The following ADAMTSL1 variants were observed in gnomAD, a reference collection of about 807,000 sequenced individuals.
ADAMTSL1 encodes the protein ADAMTS like 1.
ADAMTSL1 carries 126 observed loss-of-function variants against 201.8 expected under a neutral mutation model. The ratio of observed to expected loss-of-function variants is 0.62; its 90% CI spans 0.54 to 0.72. ADAMTSL1 has a LOEUF of 0.72. Among genes scored for constraint, ADAMTSL1 ranks in the 30% least tolerant of loss-of-function variants. The pLI, the probability that ADAMTSL1 is intolerant of heterozygous loss-of-function variation, is 0.00. For missense variants in ADAMTSL1, 2,679 were observed against 2,277.8 expected (o/e 1.18, Z -3.59); for synonymous variants, 1,121 against 903.4 (o/e 1.24, Z -4.32).
chr9:18,458,293 C>A (rs975353536), intron 2 of ADAMTSL1, among the ~76,000 whole-genome samples: 2 of 152,142 alleles, frequency 1.3e-5, no homozygotes, highest in African/African-American at 4.8e-5. Flanking sequence ...TACACACACA[C>A]CTGAAATAAA....
chr9:18,821,550 A>G (rs1824211818), intron 21 of ADAMTSL1, among the ~76,000 whole-genome samples: 1 of 152,230 alleles, frequency 6.6e-6, no homozygotes, highest in Non-Finnish European at 1.5e-5. Flanking sequence ...AGGTAGGCTC[A>G]CTGGGTACTC....
chr9:18,645,605 G>A (rs200326076), intron 7 of ADAMTSL1, among the ~76,000 whole-genome samples: 24 of 151,934 alleles, frequency 1.6e-4, no homozygotes, highest in African/African-American at 5.6e-4. Flanking sequence ...CTTTCTACGT[G>A]TGGCTAGCCA....
chr9:18,396,902 A>T (rs1817774914), intron 2 of ADAMTSL1, among the ~76,000 whole-genome samples: 2 of 152,200 alleles, frequency 1.3e-5, no homozygotes, highest in Admixed American at 6.5e-5. Context: ...ACAAAACCTT[A>T]GTACATTCCT....
intron 1 of ADAMTSL1, among the ~76,000 whole-genome samples, chr9:18,130,574 T>C (rs1713517175): frequency 6.6e-6 from 1 of 152,128 alleles, no homozygotes; most frequent in Non-Finnish European, 1.5e-5. Context: ...TGTAAGTTCA[T>C]AATTTATCTT....
chr9:18,682,767 C>G (rs1337878155), intron 12 of ADAMTSL1, among the ~76,000 whole-genome samples: 2 of 152,010 alleles, frequency 1.3e-5, no homozygotes, highest in Non-Finnish European at 2.9e-5. Context: ...CACAGTGTAG[C>G]TCTTTATTAT....
At chr9:18,017,714 A>T (rs948105176) in intron 1 of ADAMTSL1, among the ~76,000 whole-genome samples, 1 of 152,048 alleles carries the variant, frequency 6.6e-6, no homozygotes, top group Admixed American at 6.6e-5. Flanking sequence ...TGAACTGGCT[A>T]CGTTTCAATT....
chr9:18,162,630 C>T (rs1184732376), intron 1 of ADAMTSL1, among the ~76,000 whole-genome samples: 1 of 151,820 alleles, frequency 6.6e-6, no homozygotes, highest in Admixed American at 6.6e-5. Flanking sequence ...GAGTATACCC[C>T]TTTCCAAAAG....
chr9:18,754,407 G>C (rs1215104591), intron 16 of ADAMTSL1, among the ~76,000 whole-genome samples: 1 of 152,124 alleles, frequency 6.6e-6, no homozygotes, highest in African/African-American at 2.4e-5. Context: ...CTCCCTATTA[G>C]GACATAAGAC....
chr9:18,730,299 G>C (rs1402261592), intron 15 of ADAMTSL1, among the ~76,000 whole-genome samples: 3 of 152,236 alleles, frequency 2.0e-5, no homozygotes, highest in Non-Finnish European at 1.5e-5. Context: ...AAAAGGACTT[G>C]AGAAAGAGGT....
intron 13 of ADAMTSL1, among the ~76,000 whole-genome samples, chr9:18,695,657 T>G (rs1831507239): frequency 6.6e-6 from 1 of 152,220 alleles, no homozygotes; most frequent in African/African-American, 2.4e-5. Flanking sequence ...ATCACTAGCA[T>G]TTTGATTACA....
rs373691587 is a variant in ADAMTSL1 at position 18,850,525 on chromosome 9, C to G, written c.4249+20548C>G. On this transcript the variant is annotated intron_variant, in intron 23 of 28. Coordinates refer to ENST00000380548, the MANE Select transcript of ADAMTSL1 (RefSeq NM_001040272.6). ...TGTGATCTATGAAGGGAGAGGCAGA[C>G]CCTACTGCCTTGGTTCCAAGCCAAC... 1.8e-3 allele frequency among the ~76,000 whole-genome samples: 267 copies of G among 152,298 alleles called. 5 individuals carry two copies. In the South Asian group the frequency reaches 0.054, roughly 31 times the overall value.
intron 1 of ADAMTSL1, among the ~76,000 whole-genome samples, chr9:18,066,590 C>T (rs1010375289): frequency 4.6e-5 from 7 of 152,152 alleles, no homozygotes; most frequent in South Asian, 2.1e-4. Context: ...TTGCTATTCT[C>T]ATTTAGGTAT....
At chr9:18,175,239 C>T (rs1247603498) in intron 2 of ADAMTSL1, among the ~76,000 whole-genome samples, 1 of 152,092 alleles carries the variant, frequency 6.6e-6, no homozygotes, top group Non-Finnish European at 1.5e-5. Context: ...TGATCTTGAA[C>T]CCTAAGATAT....
At chr9:18,311,323 C>T (rs1834146424) in intron 2 of ADAMTSL1, among the ~76,000 whole-genome samples, 1 of 151,350 alleles carries the variant, frequency 6.6e-6, no homozygotes, top group East Asian at 1.9e-4. Context: ...ACATTCTGCA[C>T]AAGTATCCCA....
At chr9:18,704,103 G>C (rs1832091416) in intron 13 of ADAMTSL1, among the ~76,000 whole-genome samples, 1 of 152,052 alleles carries the variant, frequency 6.6e-6, no homozygotes, top group Non-Finnish European at 1.5e-5. Flanking sequence ...TATAGCAGGG[G>C]TTGGAAAACT....
At chr9:18,866,820 T>C (rs1827567092) in intron 23 of ADAMTSL1, among the ~76,000 whole-genome samples, 1 of 152,234 alleles carries the variant, frequency 6.6e-6, no homozygotes, top group African/African-American at 2.4e-5. Context: ...ATGCCTGGTC[T>C]GACACCATAT....
intron 2 of ADAMTSL1, among the ~76,000 whole-genome samples, chr9:18,413,939 C>A (rs1818561725): frequency 6.6e-6 from 1 of 152,202 alleles, no homozygotes; most frequent in Non-Finnish European, 1.5e-5. Context: ...ATGCACAATT[C>A]TGTCTGAACT....
At chr9:18,490,790 A>G (rs375974115) in intron 1 of ADAMTSL1, among the ~76,000 whole-genome samples, 1 of 152,328 alleles carries the variant, frequency 6.6e-6, no homozygotes, top group African/African-American at 2.4e-5. Context: ...GATGTGGTGA[A>G]TTACAGGATG....
chr9:17,910,500 C>T (rs1431736986), intron 1 of ADAMTSL1, among the ~76,000 whole-genome samples: 1 of 68,552 alleles, frequency 1.5e-5, no homozygotes, highest in African/African-American at 2.9e-5. Flanking sequence ...ACTTCTTAAC[C>T]ATTTCTTCTG....
Sources: gnomAD v4.1 joint callset for allele counts (sites outside exome capture counted in the v4.1 genomes callset) on GRCh38, gnomAD v4.1.1 for gene constraint, MANE v1.5 for transcripts, NCBI Gene and HGNC (gene_info 2026-07-23, HGNC 2026-07-21) for gene names.